The following DCHS2 variants were observed in gnomAD, a reference collection of about 807,000 sequenced individuals.
DCHS2 encodes protocadherin-23.
In DCHS2, 142 loss-of-function variants were observed where a neutral mutation model predicts 182.4. That is an observed-to-expected ratio of 0.78 (90% CI 0.68 to 0.89). DCHS2 has a LOEUF of 0.89. Among genes scored for constraint, DCHS2 ranks in the 40% least tolerant of loss-of-function variants. The pLI, the probability that DCHS2 is intolerant of heterozygous loss-of-function variation, is 0.00. For synonymous variants in DCHS2, 1,740 were observed against 1,663.3 expected (o/e 1.05, Z -1.12); for missense variants, 4,319 against 4,198.6 (o/e 1.03, Z -0.79).
chr4:154,330,399 A>C (rs1225738831), intron 5 of DCHS2, among the ~76,000 whole-genome samples: 3 of 152,176 alleles, frequency 2.0e-5, no homozygotes, highest in African/African-American at 7.2e-5. Context: ...GCTTTATTTC[A>C]AATATTTCTG....
chr4:154,322,502 A>T lies in DCHS2; in HGVS notation c.4019-14T>A. On this transcript the variant is annotated splice_polypyrimidine_tract_variant and intron_variant, in intron 7 of 19. Coordinates refer to ENST00000357232, the MANE Select transcript of DCHS2 (RefSeq NM_001358235.2). ...CAGAACTATCTTCTACACACACAAGAAAATTAAGAAATGAATGTTAATTGA... is the reference window on the plus strand; with the variant it reads ...CAGAACTATCTTCTACACACACAAGTAAATTAAGAAATGAATGTTAATTGA... 1 of 1,571,238 alleles carries T rather than the reference A, an allele frequency of 6.4e-7. No individual in the cohort carries two copies. Among genetic ancestry groups the T allele is most frequent in the Non-Finnish European group, 8.6e-7 (1 of 1,163,356 alleles).
chr4:154,364,284 G>A (rs1730252382), intron 3 of DCHS2, among the ~76,000 whole-genome samples: 1 of 152,198 alleles, frequency 6.6e-6, no homozygotes, highest in African/African-American at 2.4e-5. Flanking sequence ...ACAGAATACA[G>A]TATAACTCAT....
At chr4:154,286,677 A>C (rs1734415260) in intron 13 of DCHS2, among the ~76,000 whole-genome samples, 1 of 152,110 alleles carries the variant, frequency 6.6e-6, no homozygotes, top group South Asian at 2.1e-4. Context: ...AAAAGAAAAA[A>C]GGATGAAAAA....
intron 4 of DCHS2, chr4:154,334,374 T>C (rs1290148223): frequency 6.5e-6 from 1 of 154,412 alleles, no homozygotes; most frequent in African/African-American, 2.4e-5. Flanking sequence ...ACTAGCAAGA[T>C]TTTTTAAATC....
At chr4:154,304,999 A>G (rs1735386380) in intron 11 of DCHS2, 98 bp downstream of exon 11, 2 of 1,504,458 alleles carry the variant, frequency 1.3e-6, no homozygotes, top group Non-Finnish European at 1.8e-6. Context: ...TTTTATTTAA[A>G]AACACCCCAA....
chr4:154,387,610 G>A (rs746289804), intron 1 of DCHS2, among the ~76,000 whole-genome samples: 1 of 152,052 alleles, frequency 6.6e-6, no homozygotes. Context: ...ATATTTGGCT[G>A]ATCCTTACAT....
chr4:154,236,407 G>A lies in DCHS2; in HGVS notation c.8245C>T (p.His2749Tyr), dbSNP rs752779200. ...TVQASDAEKK[H>Y]FSFAVVFVSV... Reference sequence around the variant, plus strand: ...ACAAACACAACTGCAAAAGAAAAATGTTTCTTTTCTGCATCTGAAGCTTGG... The same window carrying A: ...ACAAACACAACTGCAAAAGAAAAATATTTCTTTTCTGCATCTGAAGCTTGG... Residue 2749 changes from histidine (H) to tyrosine (Y), a missense_variant, in exon 20 of 20, where the codon CAT (histidine) becomes TAT (tyrosine). Physicochemically the swap from His to Tyr is moderately conservative, Grantham distance 83. Coordinates refer to ENST00000357232, the MANE Select transcript of DCHS2 (RefSeq NM_001358235.2). 2.5e-6 allele frequency: 4 copies of A among 1,614,046 alleles called. No homozygotes were observed. The highest frequency in any genetic ancestry group is 3.4e-6 in the Non-Finnish European group (4 of 1,179,956).
chr4:154,317,131 A>C (rs532449506), intron 9 of DCHS2, among the ~76,000 whole-genome samples: 4 of 152,360 alleles, frequency 2.6e-5, no homozygotes, highest in African/African-American at 9.6e-5. Flanking sequence ...TTGTGAGAGA[A>C]AAAAATCCCA....
At chr4:154,415,645 T>C (rs1284605398) in intron 1 of DCHS2, among the ~76,000 whole-genome samples, 1 of 152,170 alleles carries the variant, frequency 6.6e-6, no homozygotes, top group Non-Finnish European at 1.5e-5. Flanking sequence ...TGACCTTGGG[T>C]ACTGGAGACC....
chr4:154,381,469 A>C (rs1344310853), intron 1 of DCHS2, among the ~76,000 whole-genome samples: 1 of 152,122 alleles, frequency 6.6e-6, no homozygotes, highest in African/African-American at 2.4e-5. Flanking sequence ...AATAAAAAGC[A>C]TCCAAATAGG....
intron 12 of DCHS2, among the ~76,000 whole-genome samples, chr4:154,303,484 CAAAA>C (rs35984605): frequency 1.4e-4 from 12 of 84,408 alleles, no homozygotes; most frequent in Non-Finnish European, 1.9e-4. Flanking sequence ...GTAAGTGAAG[CAAAA>C]AAAAAAAAAA....
At chr4:154,455,020 A>C (rs1008078210) in intron 1 of DCHS2, among the ~76,000 whole-genome samples, 2 of 152,226 alleles carry the variant, frequency 1.3e-5, no homozygotes, top group Non-Finnish European at 2.9e-5. Context: ...CAGCTAAAGA[A>C]CTGTGTGAAG....
intron 3 of DCHS2, among the ~76,000 whole-genome samples, chr4:154,347,037 A>T (rs954770516): frequency 6.6e-6 from 1 of 151,636 alleles, no homozygotes; most frequent in African/African-American, 2.4e-5. Flanking sequence ...TATTCAGAGG[A>T]TATAATCATT....
intron 5 of DCHS2, chr4:154,331,806 G>A: frequency 7.4e-7 from 1 of 1,356,310 alleles, no homozygotes; most frequent in Middle Eastern, 1.9e-4. Context: ...TCCCGGGTAT[G>A]TATTTGCAGT....
intron 1 of DCHS2, among the ~76,000 whole-genome samples, chr4:154,445,626 T>C (rs1340490543): frequency 6.6e-6 from 1 of 152,030 alleles, no homozygotes; most frequent in Admixed American, 6.6e-5. Flanking sequence ...GTGGGCAACA[T>C]AGTGTGACCC....
chr4:154,365,815 A>ATT (rs573608217), intron 3 of DCHS2, among the ~76,000 whole-genome samples: 1 of 143,714 alleles, frequency 7.0e-6, no homozygotes, highest in Admixed American at 7.0e-5. Context: ...CGTCCGGCTA[A>ATT]TTTTTTTTTT....
intron 19 of DCHS2, 95 bp downstream of exon 19, chr4:154,239,075 G>T (rs1027408922): frequency 6.8e-7 from 1 of 1,478,088 alleles, no homozygotes. Flanking sequence ...GTGGGGAGGT[G>T]GGGAACTTTT....
intron 1 of DCHS2, among the ~76,000 whole-genome samples, chr4:154,451,233 T>C (rs1406649151): frequency 1.3e-5 from 2 of 152,128 alleles, no homozygotes; most frequent in East Asian, 3.9e-4. Flanking sequence ...GCTAGGTGAA[T>C]CACAGCACAA....
At chr4:154,255,448 G>T (rs1249809424) in intron 16 of DCHS2, 71 bp downstream of exon 16, 6 of 1,521,020 alleles carry the variant, frequency 3.9e-6, no homozygotes, top group Non-Finnish European at 5.3e-6. Context: ...AGGAAGTTAT[G>T]AACAAAACAG....
Sources: gnomAD v4.1 joint callset for allele counts (sites outside exome capture counted in the v4.1 genomes callset) on GRCh38, gnomAD v4.1.1 for gene constraint, MANE v1.5 for transcripts, NCBI Gene and HGNC (gene_info 2026-07-23, HGNC 2026-07-21) for gene names.